Variants in CDH13 observed in about 807,000 individuals in gnomAD.
The protein encoded by CDH13 is cadherin-13.
CDH13 carries 24 observed loss-of-function variants against 63.8 expected under a neutral mutation model. The ratio of observed to expected loss-of-function variants is 0.38; its 90% CI spans 0.27 to 0.53. CDH13 has a LOEUF of 0.53. Among genes scored for constraint, CDH13 ranks in the 20% least tolerant of loss-of-function variants. CDH13 has a pLI of 0.85. For missense variants in CDH13, 1,049 were observed against 903.1 expected, an observed-to-expected ratio of 1.16 and a Z score of -2.07; for synonymous variants, 503 against 355.3, an observed-to-expected ratio of 1.42 and a Z score of -4.67.
chr16:82,906,018 A>C (rs59184408), intron 2 of CDH13, among the ~76,000 whole-genome samples: 1 of 152,082 alleles, frequency 6.6e-6, no homozygotes, highest in African/African-American at 2.4e-5. Flanking sequence ...ATATAAGTAT[A>C]TGAATATATA....
At chr16:83,409,862 C>G (rs1022919223) in intron 6 of CDH13, among the ~76,000 whole-genome samples, 1 of 152,142 alleles carries the variant, frequency 6.6e-6, no homozygotes, top group Admixed American at 6.6e-5. Context: ...TTTCTAAATC[C>G]TGACTTGTGT....
At chr16:83,100,125 A>C (rs2034404096) in intron 3 of CDH13, among the ~76,000 whole-genome samples, 1 of 152,226 alleles carries the variant, frequency 6.6e-6, no homozygotes, top group African/African-American at 2.4e-5. Context: ...GTGCTGTCTG[A>C]GGACACACCA....
chr16:82,918,438 T>G (rs1163179665), intron 2 of CDH13, among the ~76,000 whole-genome samples: 1 of 152,060 alleles, frequency 6.6e-6, no homozygotes, highest in Non-Finnish European at 1.5e-5. Flanking sequence ...TGTCTGGTTA[T>G]TTATTTCTGT....
intron 7 of CDH13, among the ~76,000 whole-genome samples, chr16:83,538,186 A>G (rs1355977036): frequency 1.3e-5 from 2 of 152,236 alleles, no homozygotes; most frequent in Non-Finnish European, 2.9e-5. Flanking sequence ...AATCATTTAT[A>G]AAGATTAGAG....
chr16:83,326,026 C>A (rs2090352144), intron 5 of CDH13, among the ~76,000 whole-genome samples: 1 of 152,132 alleles, frequency 6.6e-6, no homozygotes. Flanking sequence ...AGTACGCAGG[C>A]AAGCAGATGA....
At chr16:83,261,798 C>T (rs777207574) in intron 5 of CDH13, among the ~76,000 whole-genome samples, 6 of 151,346 alleles carry the variant, frequency 4.0e-5, no homozygotes, top group Admixed American at 3.3e-4. Context: ...CTGTGGGGTA[C>T]CAGGACACCC....
intron 7 of CDH13, among the ~76,000 whole-genome samples, chr16:83,584,027 G>C (rs1039454622): frequency 6.6e-6 from 1 of 151,932 alleles, no homozygotes; most frequent in Non-Finnish European, 1.5e-5. Flanking sequence ...AGCAAAAGCA[G>C]AGAGTTAAAG....
chr16:83,445,518 G>T (rs1051846145), intron 6 of CDH13, among the ~76,000 whole-genome samples: 3 of 152,076 alleles, frequency 2.0e-5, no homozygotes, highest in Non-Finnish European at 2.9e-5. Context: ...CCAAGATTCT[G>T]GACCGATAGC....
chr16:82,849,293 G>A (rs900959405), intron 1 of CDH13, among the ~76,000 whole-genome samples: 2 of 152,112 alleles, frequency 1.3e-5, no homozygotes, highest in African/African-American at 4.8e-5. Flanking sequence ...CACGAGGTCA[G>A]GAGAGCAACA....
At chr16:83,752,276 A>G (rs1019557446) in intron 11 of CDH13, among the ~76,000 whole-genome samples, 1 of 152,216 alleles carries the variant, frequency 6.6e-6, no homozygotes, top group Non-Finnish European at 1.5e-5. Flanking sequence ...GAAATGCGGT[A>G]TACTTGAATT....
intron 11 of CDH13, among the ~76,000 whole-genome samples, chr16:83,764,174 G>C (rs995804860): frequency 1.4e-4 from 21 of 152,284 alleles, no homozygotes; most frequent in African/African-American, 4.8e-4. Flanking sequence ...CATGAGTGCT[G>C]AGGCAAACTA....
intron 7 of CDH13, among the ~76,000 whole-genome samples, chr16:83,568,625 A>G (rs556475003): frequency 1.3e-5 from 2 of 152,308 alleles, no homozygotes; most frequent in South Asian, 4.2e-4. Context: ...AACTAAGGGC[A>G]CCAACAATAA....
intron 6 of CDH13, among the ~76,000 whole-genome samples, chr16:83,421,525 G>C (rs1253343890): frequency 6.6e-6 from 1 of 152,176 alleles, no homozygotes; most frequent in Non-Finnish European, 1.5e-5. Context: ...GACACATCAA[G>C]ATCATGTTGA....
At chr16:83,210,792 G>A (rs1288121535) in intron 4 of CDH13, among the ~76,000 whole-genome samples, 1 of 151,412 alleles carries the variant, frequency 6.6e-6, no homozygotes, top group African/African-American at 2.4e-5. Flanking sequence ...AATATACAAC[G>A]AAACGCCACA....
intron 1 of CDH13, among the ~76,000 whole-genome samples, chr16:82,657,306 C>T (rs1015520771): frequency 3.3e-5 from 5 of 152,160 alleles, no homozygotes; most frequent in African/African-American, 1.2e-4. Context: ...TGCATGTGGG[C>T]TGTCTCTCTC....
chr16:82,945,058 T>C (rs1414720692), intron 2 of CDH13, among the ~76,000 whole-genome samples: 1 of 152,152 alleles, frequency 6.6e-6, no homozygotes, highest in Non-Finnish European at 1.5e-5. Flanking sequence ...AAAACAAAAA[T>C]AGAAACAGTC....
intron 7 of CDH13, among the ~76,000 whole-genome samples, chr16:83,517,515 G>C (rs1203109814): frequency 6.6e-6 from 1 of 152,038 alleles, no homozygotes; most frequent in East Asian, 1.9e-4. Context: ...AGAACAAAGA[G>C]TTACAGTATC....
intron 1 of CDH13, among the ~76,000 whole-genome samples, chr16:82,804,101 G>C (rs377142347): frequency 6.6e-6 from 1 of 151,934 alleles, no homozygotes; most frequent in Non-Finnish European, 1.5e-5. Flanking sequence ...GGTGGTGCGC[G>C]CCTGTAGTCC....
At position 83,131,657 on chromosome 16, in the gene CDH13, C is replaced by T. The variant is rs546180328; in HGVS notation, c.483+6156C>T. ...AGGTCTTTGGGAGATGTATTTTATT[C>T]TGTTTTATATTAAGTTTGAAAGACA... is the stretch of plus-strand genomic sequence containing the variant. On this transcript the variant is annotated intron_variant, in intron 4 of 13. Transcript: ENST00000567109. 3.9e-5 allele frequency among the ~76,000 whole-genome samples: 6 copies of T among 152,242 alleles called. No homozygotes were observed. The East Asian group carries it at 9.7e-4, about 25-fold the overall frequency.
Sources: allele counts gnomAD v4.1 joint callset (sites outside exome capture counted in the v4.1 genomes callset), GRCh38; gene constraint gnomAD v4.1.1; transcripts MANE v1.5; gene names NCBI Gene and HGNC (gene_info 2026-07-23, HGNC 2026-07-21).